The following URB1 variants were observed in gnomAD, a reference collection of about 807,000 sequenced individuals.
URB1 encodes nucleolar pre-ribosomal-associated protein 1.
A neutral mutation model predicts 242.3 loss-of-function variants in URB1; 197 were observed. The observed-to-expected ratio is 0.81, with a 90% CI of 0.72 to 0.91. The LOEUF is 0.91. Ranked by LOEUF, URB1 falls within the 40% of genes least tolerant of loss-of-function variation. The probability of loss-of-function intolerance (pLI) is 0.00; values close to 1 mark genes in which losing one functional copy is unlikely to be tolerated. For missense variants in URB1, 2,721 were observed against 2,860.5 expected, an observed-to-expected ratio of 0.95 and a Z score of 1.11; for synonymous variants, 1,153 against 1,201.8, an observed-to-expected ratio of 0.96 and a Z score of 0.84.
intron 25 of URB1, among the ~76,000 whole-genome samples, chr21:32,340,398 G>A (rs896558637): frequency 6.6e-6 from 1 of 152,088 alleles, no homozygotes; most frequent in Non-Finnish European, 1.5e-5. Context: ...GATTACCTGA[G>A]GTCAGGAGTT....
rs539061617 is a variant in URB1, at chr21:32,347,704, G to A, written c.3120C>T (p.Leu1040=). 108 of 1,551,232 alleles carry A rather than the reference G, an allele frequency of 7.0e-5. No individual in the cohort carries two copies. Among genetic ancestry groups the A allele is most frequent in the Non-Finnish European group, 8.4e-5 (96 of 1,147,006 alleles). Residue 1040 remains leucine (L), a synonymous_variant, in exon 22 of 39, where the codon CTC becomes CTT. Coordinates refer to ENST00000382751, the MANE Select transcript of URB1 (RefSeq NM_014825.3). ...ALPPHTLSPV[L]VKLLATHFSA... Reference sequence around the variant, plus strand: ...TAAAGTGGGTGGCCAGGAGCTTCACGAGGACAGGGCTGAGCGTGTGCGGCG... The same window carrying A: ...TAAAGTGGGTGGCCAGGAGCTTCACAAGGACAGGGCTGAGCGTGTGCGGCG...
intron 25 of URB1, among the ~76,000 whole-genome samples, chr21:32,341,082 G>A (rs562852566): frequency 6.8e-4 from 104 of 152,198 alleles, no homozygotes; most frequent in Admixed American, 2.7e-3. Context: ...CTAACACTCA[G>A]TGTATGAAAA....
intron 8 of URB1, among the ~76,000 whole-genome samples, chr21:32,370,177 C>T (rs1043988543): frequency 1.6e-4 from 25 of 152,174 alleles, no homozygotes; most frequent in Middle Eastern, 6.8e-3. Context: ...TCCTCAGACT[C>T]TGTCTCATGT....
In URB1 at chr21:32,314,839, T is replaced by G. The variant is rs1243700784; in HGVS notation, c.*79A>C. On this transcript the variant is annotated 3_prime_UTR_variant, in exon 39 of 39. Coordinates refer to ENST00000382751, the MANE Select transcript of URB1 (RefSeq NM_014825.3). ...TTCCCATGCCTTCTCTGGAAACCCT[T>G]GACTCAACCAAACTTCTAGAAGCTG... 1.3e-6 allele frequency: 2 copies of G among 1,511,736 alleles called. No homozygotes were observed. Among genetic ancestry groups the G allele is most frequent in the Non-Finnish European group, 1.8e-6 (2 of 1,125,580 alleles). 93.6% of individuals were successfully genotyped at this position (1,511,736 alleles called of 1,614,324 possible).
rs1382596957 is a variant in URB1, at chr21:32,315,114, G to A, written c.6635-15C>T. Reference sequence around the variant, plus strand: ...TGCTGCGGAGGCTGAACAAGAGCAGGGGATAGGCCATTAGGATGCACACCT... The same window carrying A: ...TGCTGCGGAGGCTGAACAAGAGCAGAGGATAGGCCATTAGGATGCACACCT... On this transcript the variant is annotated splice_polypyrimidine_tract_variant and intron_variant, in intron 38 of 38. Coordinates refer to ENST00000382751, the MANE Select transcript of URB1 (RefSeq NM_014825.3). The A allele has an allele frequency of 1.1e-5, 17 of 1,501,756 alleles. No homozygotes were observed. Among genetic ancestry groups the A allele is most frequent in the Non-Finnish European group, 1.5e-5 (17 of 1,116,162 alleles). The allele number at this position is 1,501,756 out of a possible 1,614,324, so 93.0% of individuals were successfully genotyped here. A position where few individuals can be genotyped will look rare whatever the true frequency, so the allele number is the denominator to read the frequency against.
rs142897309 is a variant in URB1, at chr21:32,311,985, T to C, written c.*2933A>G. 5 of 1,613,258 alleles carry C rather than the reference T, an allele frequency of 3.1e-6. No individual in the cohort carries two copies. Among genetic ancestry groups the C allele is most frequent in the Non-Finnish European group, 4.2e-6 (5 of 1,180,022 alleles). On this transcript the variant is annotated 3_prime_UTR_variant, in exon 39 of 39. Transcript: ENST00000382751. ...TCCCCCTGGAGACAGGACCTCTCAA[T>C]TGCAGAGCTGATGTCAGTAAATCGT...
chr21:32,337,334 C>A, intron 27 of URB1, 70 bp downstream of exon 27: 1 of 1,437,568 alleles, frequency 7.0e-7, no homozygotes. Context: ...CTCTCATTCC[C>A]TATCTCTGCT....
At chr21:32,337,196 C>A in intron 27 of URB1, 39 bp from the exon 28 acceptor site, 1 of 1,545,942 alleles carries the variant, frequency 6.5e-7, no homozygotes, top group Non-Finnish European at 8.8e-7. Flanking sequence ...AAGATGAACC[C>A]CTGACACCCT....
At position 32,378,540 on chromosome 21, in the gene URB1, C is replaced by T. The variant is rs1385573780; in HGVS notation, c.569G>A (p.Gly190Glu). 1.3e-6 allele frequency: 2 copies of T among 1,551,292 alleles called. No homozygotes were observed. The highest frequency in any genetic ancestry group is 3.9e-5 in the Admixed American group (2 of 50,962). Reference protein sequence around the residue: ...YTLVTKRDSKGVYDVRQAYVQ... With the variant: ...YTLVTKRDSKEVYDVRQAYVQ... ...GTAGGCCTGCCGAACGTCGTACACT[C>T]CCTAGAGGACAAAGGAGACCTACAT... The change falls in exon 5 of 39, where the codon GGA (glycine) becomes GAA (glutamate). Residue 190 changes from glycine (G) to glutamate (E), a missense_variant and splice_region_variant. By Grantham distance (98) the Gly-to-Glu change is moderately conservative (BLOSUM62 -2). Transcript: ENST00000382751.
chr21:32,334,796 GA>G (rs1444092930), intron 28 of URB1, among the ~76,000 whole-genome samples: 2 of 152,192 alleles, frequency 1.3e-5, no homozygotes, highest in African/African-American at 4.8e-5. Flanking sequence ...CATAGCGGCA[GA>G]ATTCTGATCT....
At chr21:32,386,300 A>C (rs976055181) in intron 1 of URB1, among the ~76,000 whole-genome samples, 7 of 152,148 alleles carry the variant, frequency 4.6e-5, no homozygotes, top group Admixed American at 1.3e-4. Flanking sequence ...GGAGAAGGAG[A>C]CATCAGAGAG....
chr21:32,371,114 G>A (rs987106527), intron 8 of URB1, among the ~76,000 whole-genome samples: 4 of 152,240 alleles, frequency 2.6e-5, no homozygotes, highest in African/African-American at 7.2e-5. Flanking sequence ...CCTCCCTGAA[G>A]TGGTGAGGTC....
In URB1 at chr21:32,314,507, T is replaced by C; in HGVS notation, c.*411A>G. 1 of 1,564,382 alleles carries C rather than the reference T, an allele frequency of 6.4e-7. No homozygotes were observed. ...CTGAAAAATAAACTTTAAACATCTC[T>C]CTTCGTTTTCATAAAAAAAATCTGA... On this transcript the variant is annotated 3_prime_UTR_variant, in exon 39 of 39. Transcript: ENST00000382751.
At chr21:32,316,416 C>T (rs910571772) in intron 38 of URB1, 50 bp downstream of exon 38, 2 of 1,459,326 alleles carry the variant, frequency 1.4e-6, no homozygotes, top group African/African-American at 2.9e-5. Context: ...TGCCCCCAGG[C>T]CCACTTCTGC....
chr21:32,364,108 C>G (rs971121021), intron 10 of URB1, among the ~76,000 whole-genome samples: 2 of 152,148 alleles, frequency 1.3e-5, no homozygotes, highest in African/African-American at 4.8e-5. Flanking sequence ...AATGAGCAAG[C>G]AACCCACATC....
intron 8 of URB1, among the ~76,000 whole-genome samples, chr21:32,372,257 C>T (rs1008175394): frequency 7.9e-5 from 12 of 152,210 alleles, no homozygotes; most frequent in Admixed American, 2.0e-4. Flanking sequence ...GGTAAACATC[C>T]GCAGCACCTC....
In URB1 at chr21:32,373,674, AATCC is replaced by A; in HGVS notation, c.845_848del (p.Gly282ValfsTer4). The A allele has an allele frequency of 1.3e-6, 2 of 1,543,344 alleles. No individual in the cohort carries two copies. Among genetic ancestry groups the A allele is most frequent in the Non-Finnish European group, 1.7e-6 (2 of 1,144,434 alleles). On this transcript the variant is annotated frameshift_variant, in exon 7 of 39. Coordinates refer to ENST00000382751, the MANE Select transcript of URB1 (RefSeq NM_014825.3). LOFTEE classifies it high-confidence loss of function. ...TGACATTTTCTGGGTTCACATCGGT[AATCC>A]CATTCCAGTTGTACAGCGATGCTAT...
chr21:32,338,806 G>A lies in URB1; in HGVS notation c.4411C>T (p.Gln1471Ter). ...PESSVRTKLI[Q>*]LPVVYVMLMQ... ...AGCATCACGTAGACCACCGGGAGCT[G>A]GATGAGCTTCGTGCGCACGGAGCTT... is the stretch of plus-strand genomic sequence containing the variant. The change falls in exon 26 of 39, where the codon CAG (glutamine) becomes TAG (stop). Residue 1471 changes from glutamine to a stop codon, truncating the protein, a stop_gained. Transcript: ENST00000382751. LOFTEE classifies it high-confidence loss of function. The A allele has an allele frequency of 6.4e-7, 1 of 1,551,754 alleles. No individual in the cohort carries two copies. The highest frequency in any genetic ancestry group is 1.2e-5 in the South Asian group (1 of 84,054).
chr21:32,312,856 TTAAGA>T lies in URB1; in HGVS notation c.*2057_*2061del, dbSNP rs1296375119. ...AAAATAACTGTGCCCCCCGCCCCAC[TTAAGA>T]TATTTCTAATTTAGCATTTTATATT... On this transcript the variant is annotated 3_prime_UTR_variant, in exon 39 of 39. Coordinates refer to ENST00000382751, the MANE Select transcript of URB1 (RefSeq NM_014825.3). The T allele has an allele frequency of 6.6e-6, 1 of 152,156 alleles. No homozygotes were observed. The highest frequency in any genetic ancestry group is 1.5e-5 in the Non-Finnish European group (1 of 68,050). 9.4% of individuals were successfully genotyped at this position (152,156 alleles called of 1,614,324 possible).
Sources: allele counts gnomAD v4.1 joint callset (sites outside exome capture counted in the v4.1 genomes callset), GRCh38; gene constraint gnomAD v4.1.1; transcripts MANE v1.5; gene names NCBI Gene and HGNC (gene_info 2026-07-23, HGNC 2026-07-21).